The following BMP1 variants were observed in gnomAD, a reference collection of about 807,000 sequenced individuals.
BMP1 encodes bone morphogenetic protein 1.
A neutral mutation model predicts 116.8 loss-of-function variants in BMP1; 63 were observed. The observed-to-expected ratio is 0.54, with a 90% CI of 0.44 to 0.67. The LOEUF (loss-of-function observed/expected upper bound fraction) is 0.67, where lower values mean the gene tolerates loss of function less well. BMP1 is among the 30% of genes least tolerant of loss of function. BMP1 has a pLI of 0.00. For synonymous variants in BMP1, 536 were observed against 533.4 expected (o/e 1.00, Z -0.07); for missense variants, 1,183 against 1,358.9 (o/e 0.87, Z 2.04).
At chr8:22,207,774 C>T (rs945349855) in intron 18 of BMP1, among the ~76,000 whole-genome samples, 4 of 152,222 alleles carry the variant, frequency 2.6e-5, no homozygotes, top group African/African-American at 9.7e-5. Flanking sequence ...GAGGAAAGCC[C>T]CCAGAGGTCC....
At chr8:22,180,232 G>A in intron 7 of BMP1, 136 bp from the exon 8 acceptor site, 1 of 731,670 alleles carries the variant, frequency 1.4e-6, no homozygotes, top group Non-Finnish European at 2.4e-6. Flanking sequence ...ATAGGGGCAG[G>A]ACCATTGCAG....
At chr8:22,206,796 G>A in intron 16 of BMP1, 58 bp from the exon 17 acceptor site, 2 of 1,609,760 alleles carry the variant, frequency 1.2e-6, no homozygotes, top group South Asian at 1.1e-5. Flanking sequence ...CTTCCCCACA[G>A]GAGGCATCGG....
intron 9 of BMP1, among the ~76,000 whole-genome samples, chr8:22,193,597 A>G (rs1372164201): frequency 6.6e-6 from 1 of 152,240 alleles, no homozygotes; most frequent in African/African-American, 2.4e-5. Flanking sequence ...CAGCCTGGCC[A>G]ACATGGCAAA....
At position 22,207,364 on chromosome 8, in the gene BMP1, T is replaced by C. The variant is rs1292054506; in HGVS notation, c.2423T>C (p.Phe808Ser). ...TGTGCCTACGACCACCTAGAGGTGT[T>C]CGACGGGCGAGACGCCAAGGCCCCC... ...PECAYDHLEV[F>S]DGRDAKAPVL... The change falls in exon 18 of 20, where the codon TTC becomes TCC. Residue 808 changes from phenylalanine to serine, a missense_variant. Phe to Ser is a radical substitution (Grantham distance 155). This residue lies in a region of BMP1 where 956 missense variants were observed against 1,135.2 expected (regional missense o/e 0.84). Transcript: ENST00000306385. 2 of 1,614,150 alleles carry C rather than the reference T, an allele frequency of 1.2e-6. No homozygotes were observed. The highest frequency in any genetic ancestry group is 1.7e-6 in the Non-Finnish European group (2 of 1,180,022).
chr8:22,191,520 T>C (rs543464842), intron 8 of BMP1, among the ~76,000 whole-genome samples: 9 of 152,226 alleles, frequency 5.9e-5, no homozygotes, highest in African/African-American at 1.9e-4. Context: ...GGAGGATGGC[T>C]TAAGCCTGGG....
Position 22,179,674 on chromosome 8 carries a change from G to A in BMP1, c.837-31G>A, listed in dbSNP as rs764956078. On this transcript the variant is annotated intron_variant, in intron 6 of 19. Coordinates refer to ENST00000306385, the MANE Select transcript of BMP1 (RefSeq NM_006129.5). The surrounding 1 kb of genome is among the most constrained non-coding windows in gnomAD (Gnocchi z 4.6). The stretch of plus-strand genomic sequence containing the variant: ...ACTCCCTGCCCACTGTCCATGAGAC[G>A]CTCACCCTTACTTTTCTCCCTCTTC... 5.0e-6 allele frequency: 8 copies of A among 1,612,354 alleles called. No homozygotes were observed. Among genetic ancestry groups the A allele is most frequent in the East Asian group, 2.2e-5 (1 of 44,794 alleles).
chr8:22,185,428 C>T (rs1238655026), intron 8 of BMP1, among the ~76,000 whole-genome samples: 1 of 151,382 alleles, frequency 6.6e-6, no homozygotes, highest in Non-Finnish European at 1.5e-5. Flanking sequence ...TGCATTCCAG[C>T]CTGGGCAACA....
At position 22,176,981 on chromosome 8, in the gene BMP1, G is replaced by T; in HGVS notation, c.572G>T (p.Arg191Leu). 1.2e-6 allele frequency: 2 copies of T among 1,611,532 alleles called. No homozygotes were observed. The highest frequency in any genetic ancestry group is 1.7e-6 in the Non-Finnish European group (2 of 1,179,030). Residue 191 changes from arginine (R) to leucine (L), a missense_variant, in exon 5 of 20, where the codon CGC becomes CTC. Arg to Leu is a moderately radical substitution (Grantham distance 102). This residue lies in a region of BMP1 where 956 missense variants were observed against 1,135.2 expected (regional missense o/e 0.84). Transcript: ENST00000306385. ...RPCGCCSYVG[R>L]RGGGPQAISI... Reference sequence around the variant, plus strand: ...TCCAGGTGCTGCTCCTACGTGGGTCGCCGCGGCGGGGGCCCCCAGGCCATC... The same window carrying T: ...TCCAGGTGCTGCTCCTACGTGGGTCTCCGCGGCGGGGGCCCCCAGGCCATC...
At chr8:22,188,021 A>C (rs1306956915) in intron 8 of BMP1, among the ~76,000 whole-genome samples, 1 of 152,132 alleles carries the variant, frequency 6.6e-6, no homozygotes, top group African/African-American at 2.4e-5. Flanking sequence ...CACTGTGGCC[A>C]GAAGAGAGGT....
At chr8:22,207,604 C>G (rs567628955) in intron 18 of BMP1, 88 bp downstream of exon 18, 1 of 1,455,608 alleles carries the variant, frequency 6.9e-7, no homozygotes, top group South Asian at 1.2e-5. Flanking sequence ...TATGAAGGTA[C>G]AGAGGGACTG....
At position 22,206,851 on chromosome 8, in the gene BMP1, C is replaced by A. The variant is rs1272761047; in HGVS notation, c.2234-3C>A. 1.9e-6 allele frequency: 3 copies of A among 1,614,028 alleles called. No homozygotes were observed. The highest frequency in any genetic ancestry group is 1.7e-6 in the Non-Finnish European group (2 of 1,180,016). On this transcript the variant is annotated splice_region_variant and splice_polypyrimidine_tract_variant and intron_variant, in intron 16 of 19. Transcript: ENST00000306385. ...TCCCCTTCCGTCACTCGCTTCCCTG[C>A]AGCCGGCTGTGACCACAAGGTGACA...
At chr8:22,181,666 C>T (rs1828625635) in intron 8 of BMP1, among the ~76,000 whole-genome samples, 3 of 152,100 alleles carry the variant, frequency 2.0e-5, no homozygotes, top group Admixed American at 2.0e-4. Context: ...GATACTCCCA[C>T]CTCAGCCTCT....
intron 8 of BMP1, among the ~76,000 whole-genome samples, chr8:22,182,998 A>G (rs553137903): frequency 6.8e-4 from 104 of 152,248 alleles, no homozygotes; most frequent in Non-Finnish European, 1.4e-3. Context: ...TGTAATTTGA[A>G]GATCATTCTT....
At chr8:22,209,724 C>T in intron 19 of BMP1, 29 bp downstream of exon 19, 1 of 1,590,314 alleles carries the variant, frequency 6.3e-7, no homozygotes, top group Non-Finnish European at 8.6e-7. Context: ...GCCCTCCTGG[C>T]CCCATGCCCC....
Position 22,201,934 on chromosome 8 carries a change from G to A in BMP1, c.2233+6G>A, listed in dbSNP as rs1369308808. The stretch of plus-strand genomic sequence containing the variant: ...CAAGCACGACTGCAAAGAAGGTACG[G>A]GCTGCATGCCAGGGGCATCTGGGCT... On this transcript the variant is annotated splice_donor_region_variant and intron_variant, in intron 16 of 19. Coordinates refer to ENST00000306385, the MANE Select transcript of BMP1 (RefSeq NM_006129.5). 1 of 1,609,328 alleles carries A rather than the reference G, an allele frequency of 6.2e-7. No individual in the cohort carries two copies. Among genetic ancestry groups the A allele is most frequent in the Non-Finnish European group, 8.5e-7 (1 of 1,177,392 alleles).
chr8:22,200,530 T>C (rs923336417), intron 15 of BMP1, among the ~76,000 whole-genome samples: 1 of 152,176 alleles, frequency 6.6e-6, no homozygotes, highest in Non-Finnish European at 1.5e-5. Context: ...TGGCTGTGTC[T>C]GTATCTGCAT....
chr8:22,165,642 G>C, intron 1 of BMP1, 89 bp downstream of exon 1: 4 of 1,365,920 alleles, frequency 2.9e-6, no homozygotes, highest in Non-Finnish European at 3.8e-6. Flanking sequence ...AGTCCAGTGT[G>C]GGAAGCCGGG....
chr8:22,175,995 T>G, intron 2 of BMP1, 148 bp from the exon 3 acceptor site: 8 of 819,730 alleles, frequency 9.8e-6, no homozygotes, highest in South Asian at 1.8e-5. Context: ...GTGAAAGCCC[T>G]GAGAGTATTG....
At position 22,194,598 on chromosome 8, in the gene BMP1, A is replaced by C; in HGVS notation, c.1443+8A>C. ...ACATTCCAGTCCTTTGAGGTAGGTC[A>C]GTGGCCCTGTGATCTGACCTTTGAA... On this transcript the variant is annotated splice_region_variant and intron_variant, in intron 11 of 19. Coordinates refer to ENST00000306385, the MANE Select transcript of BMP1 (RefSeq NM_006129.5). This position sits in a 1 kb window ranked among gnomAD's most constrained non-coding sequence, Gnocchi z 4.5. The C allele has an allele frequency of 6.2e-7, 1 of 1,613,980 alleles. No homozygotes were observed. Among genetic ancestry groups the C allele is most frequent in the South Asian group, 1.1e-5 (1 of 91,064 alleles).
Sources: gnomAD v4.1 joint callset for allele counts (sites outside exome capture counted in the v4.1 genomes callset) on GRCh38, gnomAD v4.1.1 for gene constraint, gnomAD v4.1.1 regional missense constraint, Gnocchi (gnomAD v3.1) non-coding constraint, MANE v1.5 for transcripts, NCBI Gene and HGNC (gene_info 2026-07-23, HGNC 2026-07-21) for gene names.